The following CHD5 variants were observed in gnomAD, a reference collection of about 807,000 sequenced individuals.
The protein encoded by CHD5 is ATP-dependent chromatin remodeler CHD5.
Under a neutral mutation model 230.3 loss-of-function variants are expected in CHD5, and 69 were observed. That is an observed-to-expected ratio of 0.30 (90% CI 0.25 to 0.37). The LOEUF (loss-of-function observed/expected upper bound fraction) is 0.37. Among genes scored for constraint, CHD5 ranks in the 10% least tolerant of loss-of-function variants. CHD5 has a pLI of 1.00. For missense variants in CHD5, 1,827 were observed against 2,622.8 expected (o/e 0.70, Z 6.63); for synonymous variants, 1,064 against 1,065.9 (o/e 1.00, Z 0.03).
At position 6,112,229 on chromosome 1, in the gene CHD5, C is replaced by A. The variant is rs755282092; in HGVS notation, c.5051G>T (p.Gly1684Val). Residue 1684 changes from glycine to valine, a missense_variant, in exon 35 of 42, where the codon GGT becomes GTT. Around this residue, in one of 14 missense-constraint regions of CHD5, gnomAD observed 272 missense variants for 263.2 expected, o/e 1.03. Transcript: ENST00000262450. ...CCCCTCGTCATCTTCCTCTTTGTCA[C>A]CATTTTGCTGTGTTTCAATGGGCTC... is the stretch of plus-strand genomic sequence containing the variant. ...EKEPIETQQN[G>V]DKEEDDEGKK... The A allele has an allele frequency of 1.2e-4, 196 of 1,614,042 alleles. No individual in the cohort carries two copies. Among genetic ancestry groups the A allele is most frequent in the Admixed American group, 4.0e-4 (24 of 59,992 alleles).
In CHD5 at chr1:6,121,256, G is replaced by C. The variant is rs752323611; in HGVS notation, c.4780-19C>G. 1 of 1,603,054 alleles carries C rather than the reference G, an allele frequency of 6.2e-7. No homozygotes were observed. The highest frequency in any genetic ancestry group is 8.5e-7 in the Non-Finnish European group (1 of 1,176,190). On this transcript the variant is annotated intron_variant, in intron 32 of 41. Coordinates refer to ENST00000262450, the MANE Select transcript of CHD5 (RefSeq NM_015557.3). This position sits in a 1 kb window ranked among gnomAD's most constrained non-coding sequence, Gnocchi z 4.5. ...GAAGGGCCTGCAGAGGAAAAGCCAGGAGAACTACAAGGCCTGGGGCCTCAC... is the reference window on the plus strand; with the variant it reads ...GAAGGGCCTGCAGAGGAAAAGCCAGCAGAACTACAAGGCCTGGGGCCTCAC...
Position 6,129,059 on chromosome 1 carries a change from CGGCTGAAGGCCTGGGGAGA to C in CHD5, c.3388-9_3397del, listed in dbSNP as rs1456743192. Reference sequence around the variant, plus strand: ...CTTGTTCTGGCCGATGCGGTGGGCGCGGCTGAAGGCCTGGGGAGACCTGCACCTCAGCACCCGTGGCTCA... The same window carrying C: ...CTTGTTCTGGCCGATGCGGTGGGCGCCCTGCACCTCAGCACCCGTGGCTCA... On this transcript the variant is annotated splice_acceptor_variant and splice_polypyrimidine_tract_variant and coding_sequence_variant and intron_variant, in exon 23 of 42. Coordinates refer to ENST00000262450, the MANE Select transcript of CHD5 (RefSeq NM_015557.3). LOFTEE classifies it high-confidence loss of function. The surrounding 1 kb of genome is among the most constrained non-coding windows in gnomAD (Gnocchi z 6.8). 6.2e-7 allele frequency: 1 copy of C among 1,601,532 alleles called. No homozygotes were observed. Among genetic ancestry groups the C allele is most frequent in the Non-Finnish European group, 8.5e-7 (1 of 1,174,388 alleles).
chr1:6,123,726 G>A (rs574941345), intron 31 of CHD5, among the ~76,000 whole-genome samples: 1 of 152,246 alleles, frequency 6.6e-6, no homozygotes, highest in East Asian at 1.9e-4. Flanking sequence ...ACCGCGCCCA[G>A]CCAGTTTTTT....
At chr1:6,135,474 T>G in intron 17 of CHD5, 71 bp from the exon 18 acceptor site, 1 of 1,387,504 alleles carries the variant, frequency 7.2e-7, no homozygotes, top group Non-Finnish European at 9.8e-7. Flanking sequence ...GCAGAGCGCC[T>G]AGCCCATGTA....
intron 6 of CHD5, 42 bp from the exon 7 acceptor site, chr1:6,151,197 C>A (rs6700735): frequency 0.062 from 96,466 of 1,567,510 alleles, 3,284 homozygotes; most frequent in Non-Finnish European, 0.068. Flanking sequence ...GGGCTTCACC[C>A]AGAAGGCTTC....
In CHD5 at chr1:6,101,977, G is replaced by A. The variant is rs1383512455; in HGVS notation, c.*3497C>T. 3 of 424,422 alleles carry A rather than the reference G, an allele frequency of 7.1e-6. No homozygotes were observed. The highest frequency in any genetic ancestry group is 1.1e-4 in the East Asian group (1 of 9,498). 26.3% of individuals were successfully genotyped at this position (424,422 alleles called of 1,614,324 possible). A position where few individuals can be genotyped will look rare whatever the true frequency, so the allele number is the denominator to read the frequency against. ...CGCCCCCGCCGGGGCCACCCTGGCTGGGACTCCTGGCGCGCCTTGCACCCA... is the reference window on the plus strand; with the variant it reads ...CGCCCCCGCCGGGGCCACCCTGGCTAGGACTCCTGGCGCGCCTTGCACCCA... On this transcript the variant is annotated 3_prime_UTR_variant, in exon 42 of 42. Transcript: ENST00000262450.
intron 13 of CHD5, 124 bp downstream of exon 13, chr1:6,143,699 T>C: frequency 2.4e-6 from 2 of 829,230 alleles, no homozygotes; most frequent in Non-Finnish European, 3.9e-6. Flanking sequence ...CATGACACTG[T>C]CTGCATAAGC....
In CHD5 at chr1:6,154,788, G is replaced by T; in HGVS notation, c.617C>A (p.Ala206Glu). 1 of 1,613,538 alleles carries T rather than the reference G, an allele frequency of 6.2e-7. No homozygotes were observed. The highest frequency in any genetic ancestry group is 8.5e-7 in the Non-Finnish European group (1 of 1,179,914). ...SANNPFKGSSAAAAAAAVAAA... is the reference protein window; with the variant it reads ...SANNPFKGSSEAAAAAAVAAA... Reference sequence around the variant, plus strand: ...AGCCACCGCCGCCGCCGCTGCTGCCGCGGAGCTGCCCTTGAAGGGGTTGTT... The same window carrying T: ...AGCCACCGCCGCCGCCGCTGCTGCCTCGGAGCTGCCCTTGAAGGGGTTGTT... Residue 206 changes from alanine (A) to glutamate (E), a missense_variant, in exon 5 of 42, where the codon GCG (alanine) becomes GAG (glutamate). Ala to Glu is a moderately radical substitution (Grantham distance 107, BLOSUM62 -1). This residue lies in a region of CHD5 where 657 missense variants were observed against 816.4 expected (regional missense o/e 0.80). Coordinates refer to ENST00000262450, the MANE Select transcript of CHD5 (RefSeq NM_015557.3). The surrounding 1 kb of genome is among the most constrained non-coding windows in gnomAD (Gnocchi z 7.0).
At chr1:6,164,529 A>G (rs897843648) in intron 2 of CHD5, among the ~76,000 whole-genome samples, 3 of 151,958 alleles carry the variant, frequency 2.0e-5, no homozygotes, top group African/African-American at 4.8e-5. Context: ...GCCTCCCCCC[A>G]CTAACAAACT....
rs1666664961 is a variant in CHD5, at chr1:6,131,969, A to C, written c.3145-221T>G. On this transcript the variant is annotated intron_variant, in intron 20 of 41. Coordinates refer to ENST00000262450, the MANE Select transcript of CHD5 (RefSeq NM_015557.3). The surrounding 1 kb of genome is among the most constrained non-coding windows in gnomAD (Gnocchi z 5.0). ...CTCCTGCCTAGCCCCACAGCCACTT[A>C]CCTAAATCAGGGCTCTGACATGAGC... Among the ~76,000 whole-genome samples, 1 of 152,106 alleles carries C rather than the reference A, an allele frequency of 6.6e-6. No homozygotes were observed. Among genetic ancestry groups the C allele is most frequent in the African/African-American group, 2.4e-5 (1 of 41,428 alleles).
In CHD5 at chr1:6,134,250, C is replaced by G. The variant is rs188029046; in HGVS notation, c.3022G>C (p.Val1008Leu). The change falls in exon 20 of 42, where the codon GTC (valine) becomes CTC (leucine). Residue 1008 changes from valine to leucine, a missense_variant. Physicochemically the swap from Val to Leu is conservative, Grantham distance 32. Transcript: ENST00000262450. The surrounding 1 kb of genome is among the most constrained non-coding windows in gnomAD (Gnocchi z 6.3). ...CCATCGTAGGAGCCATTGGGCAAGACAGGGGCCTCCTGCAGACACAGCAGG... is the reference window on the plus strand; with the variant it reads ...CCATCGTAGGAGCCATTGGGCAAGAGAGGGGCCTCCTGCAGACACAGCAGG... ...LFPVAAVEAP[V>L]LPNGSYDGSS... is the part of the protein sequence containing the mutation. The G allele has an allele frequency of 1.2e-6, 2 of 1,613,190 alleles. No individual in the cohort carries two copies. The highest frequency in any genetic ancestry group is 3.3e-5 in the Admixed American group (2 of 60,016).
intron 1 of CHD5, among the ~76,000 whole-genome samples, chr1:6,177,509 G>T (rs767902313): frequency 6.6e-6 from 1 of 152,208 alleles, no homozygotes; most frequent in African/African-American, 2.4e-5. Flanking sequence ...ACAACGTTTC[G>T]AGTATGTGAG....
intron 2 of CHD5, among the ~76,000 whole-genome samples, chr1:6,165,958 G>C (rs1029060006): frequency 6.6e-6 from 1 of 152,018 alleles, no homozygotes; most frequent in African/African-American, 2.4e-5. Context: ...TCTGGGGCAT[G>C]ATGGGCCAGG....
Position 6,146,631 on chromosome 1 carries a change from G to C in CHD5, c.1590+34C>G, listed in dbSNP as rs200160230. On this transcript the variant is annotated intron_variant, in intron 10 of 41. Transcript: ENST00000262450. This position sits in a 1 kb window ranked among gnomAD's most constrained non-coding sequence, Gnocchi z 5.1. ...GAGGGTCCAGGGCTCACCAGGTCCC[G>C]GGCCTTAGCACAGCCACCCTCCCGG... 1.9e-6 allele frequency: 3 copies of C among 1,606,006 alleles called. No homozygotes were observed. The highest frequency in any genetic ancestry group is 1.3e-5 in the African/African-American group (1 of 74,824).
At chr1:6,135,887 G>A (rs1666738388) in intron 17 of CHD5, among the ~76,000 whole-genome samples, 1 of 152,124 alleles carries the variant, frequency 6.6e-6, no homozygotes, top group African/African-American at 2.4e-5. Flanking sequence ...ACACATGCCT[G>A]TAATCCCAGC....
At position 6,179,982 on chromosome 1, in the gene CHD5, C is replaced by T; in HGVS notation, c.42G>A (p.Leu14=). The change falls in exon 1 of 42, where the codon CTG becomes CTA. Residue 14 remains leucine, a synonymous_variant. Transcript: ENST00000262450. ...CCTCATTCTCCATCTCCTCGGCGAA[C>T]AGCCGCGGCAGCTCCTCCTCGGTGC... The part of the protein sequence containing the change: ...PVGTEEELPR[L]FAEEMENEDE... The T allele has an allele frequency of 7.2e-7, 1 of 1,386,956 alleles. No individual in the cohort carries two copies. The highest frequency in any genetic ancestry group is 1.3e-5 in the South Asian group (1 of 74,978). 85.9% of individuals were successfully genotyped at this position (1,386,956 alleles called of 1,614,324 possible).
At chr1:6,107,536 G>GAGATAAA (rs1666205134) in intron 38 of CHD5, among the ~76,000 whole-genome samples, 2 of 51,970 alleles carry the variant, frequency 3.8e-5, no homozygotes, top group African/African-American at 7.6e-5. Context: ...GAGAGATGGA[G>GAGATAAA]GGATGGAGGG....
Position 6,126,450 on chromosome 1 carries a change from C to T in CHD5, c.4078+122G>A. 1.5e-6 allele frequency: 1 copy of T among 658,904 alleles called. No homozygotes were observed. The highest frequency in any genetic ancestry group is 2.7e-5 in the East Asian group (1 of 36,732). 40.8% of individuals were successfully genotyped at this position (658,904 alleles called of 1,614,324 possible). ...TATGGGACACCCATCCCTCCTGGCA[C>T]ACTCGCCCAGCTCTCCCGGCCCGCA... On this transcript the variant is annotated intron_variant, in intron 26 of 41. Coordinates refer to ENST00000262450, the MANE Select transcript of CHD5 (RefSeq NM_015557.3). This position sits in a 1 kb window ranked among gnomAD's most constrained non-coding sequence, Gnocchi z 5.7.
chr1:6,119,412 T>A (rs1050081130), intron 33 of CHD5, among the ~76,000 whole-genome samples: 2 of 152,178 alleles, frequency 1.3e-5, no homozygotes, highest in African/African-American at 4.8e-5. Context: ...AATAAACTTT[T>A]AAGCAAAAAC....
Sources: gnomAD v4.1 joint callset for allele counts (sites outside exome capture counted in the v4.1 genomes callset) on GRCh38, gnomAD v4.1.1 for gene constraint, gnomAD v4.1.1 regional missense constraint, Gnocchi (gnomAD v3.1) non-coding constraint, MANE v1.5 for transcripts, NCBI Gene and HGNC (gene_info 2026-07-23, HGNC 2026-07-21) for gene names.